Variants in SULT1B1 observed in about 807,000 individuals in gnomAD.
SULT1B1 encodes sulfotransferase 1B1.
Under a neutral mutation model 34.6 loss-of-function variants are expected in SULT1B1, and 28 were observed. That is an observed-to-expected ratio of 0.81 (90% CI 0.60 to 1.11). The LOEUF (loss-of-function observed/expected upper bound fraction) is 1.11, where lower values mean the gene tolerates loss of function less well. Among genes scored for constraint, SULT1B1 ranks in the 50% least tolerant of loss-of-function variants. The pLI, the probability that SULT1B1 is intolerant of heterozygous loss-of-function variation, is 0.00. For missense variants in SULT1B1, 374 were observed against 352.2 expected, an observed-to-expected ratio of 1.06 and a Z score of -0.50; for synonymous variants, 147 against 110.2, an observed-to-expected ratio of 1.33 and a Z score of -2.09.
chr4:69,727,267 A>G, intron 7 of SULT1B1, 67 bp from the exon 8 acceptor site: 1 of 1,238,066 alleles, frequency 8.1e-7, no homozygotes, highest in South Asian at 1.7e-5. Context: ...AGTATATACC[A>G]AAGGAAAAGA....
intron 4 of SULT1B1, among the ~76,000 whole-genome samples, chr4:69,742,895 C>A (rs925105831): frequency 9.9e-5 from 15 of 152,232 alleles, no homozygotes; most frequent in African/African-American, 3.6e-4. Context: ...GGCCTCAGCT[C>A]TCTGCAAGGC....
chr4:69,752,751 C>T (rs181062563), intron 3 of SULT1B1, among the ~76,000 whole-genome samples: 1 of 152,324 alleles, frequency 6.6e-6, no homozygotes, highest in East Asian at 1.9e-4. Context: ...TGAGGGGCAC[C>T]TCCATTATAG....
intron 5 of SULT1B1, 33 bp downstream of exon 5, chr4:69,734,105 A>T: frequency 1.3e-6 from 2 of 1,498,402 alleles, no homozygotes; most frequent in South Asian, 1.4e-5. Flanking sequence ...AAAATAAAAA[A>T]TACTTATCAA....
rs1187617370 is a variant in SULT1B1 at position 69,723,583 on chromosome 4, T to G, written c.*3505A>C. 1 of 152,132 alleles carries G rather than the reference T, an allele frequency of 6.6e-6. No individual in the cohort carries two copies. Among genetic ancestry groups the G allele is most frequent in the African/African-American group, 2.4e-5 (1 of 41,412 alleles). 9.4% of individuals were successfully genotyped at this position (152,132 alleles called of 1,614,324 possible). ...CAGAGACACAACAAAAAAAGAGAATTTTAGACCAATAACCCTGATGAACAT... is the reference window on the plus strand; with the variant it reads ...CAGAGACACAACAAAAAAAGAGAATGTTAGACCAATAACCCTGATGAACAT... On this transcript the variant is annotated 3_prime_UTR_variant, in exon 8 of 8. Transcript: ENST00000310613.
At chr4:69,727,898 G>T (rs1055712182) in intron 7 of SULT1B1, among the ~76,000 whole-genome samples, 6 of 151,914 alleles carry the variant, frequency 3.9e-5, no homozygotes, top group South Asian at 2.1e-4. Flanking sequence ...AACTTTTAAT[G>T]TACTGCCAAT....
At chr4:69,751,463 T>C (rs1718977735) in intron 3 of SULT1B1, among the ~76,000 whole-genome samples, 1 of 152,210 alleles carries the variant, frequency 6.6e-6, no homozygotes, top group African/African-American at 2.4e-5. Context: ...TGTTTGTTTG[T>C]TTATTTGAGA....
chr4:69,727,631 A>G (rs888599783), intron 7 of SULT1B1, among the ~76,000 whole-genome samples: 23 of 152,066 alleles, frequency 1.5e-4, no homozygotes, highest in Admixed American at 1.2e-3. Flanking sequence ...AGCACAGCAA[A>G]ACTGTGAAAT....
intron 3 of SULT1B1, among the ~76,000 whole-genome samples, chr4:69,753,897 A>G (rs7669491): frequency 0.53 from 80,920 of 151,976 alleles, 21,869 homozygotes; most frequent in South Asian, 0.56. Context: ...CTTTAACTAA[A>G]CCAGCTGTTT....
Position 69,724,131 on chromosome 4 carries a change from G to A in SULT1B1, c.*2957C>T, listed in dbSNP as rs1717735573. 3 of 152,280 alleles carry A rather than the reference G, an allele frequency of 2.0e-5. No individual in the cohort carries two copies. Among genetic ancestry groups the A allele is most frequent in the South Asian group, 2.1e-4 (1 of 4,828 alleles). The allele number at this position is 152,280 out of a possible 1,614,324, so 9.4% of individuals were successfully genotyped here. A position where few individuals can be genotyped will look rare whatever the true frequency, so the allele number is the denominator to read the frequency against. ...GATTGTATATGTAGAAAACCCCATT[G>A]TCTCAGCCCAAAATCTCCTTAAGCT... On this transcript the variant is annotated 3_prime_UTR_variant, in exon 8 of 8. Coordinates refer to ENST00000310613, the MANE Select transcript of SULT1B1 (RefSeq NM_014465.4).
intron 6 of SULT1B1, among the ~76,000 whole-genome samples, chr4:69,732,686 T>C (rs1343400137): frequency 2.6e-5 from 4 of 151,238 alleles, no homozygotes; most frequent in Admixed American, 2.0e-4. Context: ...AGTTCCATAA[T>C]GTGGCATGAA....
intron 4 of SULT1B1, among the ~76,000 whole-genome samples, chr4:69,744,703 G>C (rs544982130): frequency 2.0e-5 from 3 of 151,868 alleles, no homozygotes; most frequent in African/African-American, 7.3e-5. Flanking sequence ...TTTTTGTCTG[G>C]ATTTTCACAT....
chr4:69,750,015 C>T (rs1039471375), intron 3 of SULT1B1, among the ~76,000 whole-genome samples, 197 bp from the exon 4 acceptor site: 3 of 152,156 alleles, frequency 2.0e-5, no homozygotes, highest in Non-Finnish European at 2.9e-5. Context: ...TGAGGTTAGC[C>T]ACCCTGAGTT....
chr4:69,729,570 T>G (rs929822277), intron 7 of SULT1B1, among the ~76,000 whole-genome samples: 1 of 152,128 alleles, frequency 6.6e-6, no homozygotes, highest in South Asian at 2.1e-4. Flanking sequence ...TTAAATATAT[T>G]GTTTTTAGAA....
Position 69,722,653 on chromosome 4 carries a change from A to G in SULT1B1, c.*4435T>C, listed in dbSNP as rs1194999413. 1 of 152,146 alleles carries G rather than the reference A, an allele frequency of 6.6e-6. No homozygotes were observed. Among genetic ancestry groups the G allele is most frequent in the Admixed American group, 6.6e-5 (1 of 15,244 alleles). The allele number at this position is 152,146 out of a possible 1,614,324, so 9.4% of individuals were successfully genotyped here. A position where few individuals can be genotyped will look rare whatever the true frequency, so the allele number is the denominator to read the frequency against. On this transcript the variant is annotated 3_prime_UTR_variant, in exon 8 of 8. Coordinates refer to ENST00000310613, the MANE Select transcript of SULT1B1 (RefSeq NM_014465.4). The stretch of plus-strand genomic sequence containing the variant: ...GTATCTCCAGAATAATAGGTGTACT[A>G]CTTCTATGAGGTTTGTTGTTACCAC...
At position 69,726,391 on chromosome 4, in the gene SULT1B1, A is replaced by G. The variant is rs985328318; in HGVS notation, c.*697T>C. 2 of 151,940 alleles carry G rather than the reference A, an allele frequency of 1.3e-5. No homozygotes were observed. The highest frequency in any genetic ancestry group is 2.4e-5 in the African/African-American group (1 of 41,386). The allele number at this position is 151,940 out of a possible 1,614,324, so 9.4% of individuals were successfully genotyped here. A position where few individuals can be genotyped will look rare whatever the true frequency, so the allele number is the denominator to read the frequency against. On this transcript the variant is annotated 3_prime_UTR_variant, in exon 8 of 8. Transcript: ENST00000310613. The stretch of plus-strand genomic sequence containing the variant: ...TCTGTTGGGAAAAAGAGGACTCCCC[A>G]TAAGAAGTAGGTCACAGCCCTCAGG...
intron 4 of SULT1B1, among the ~76,000 whole-genome samples, chr4:69,743,794 G>A (rs541272636): frequency 1.3e-5 from 2 of 152,348 alleles, no homozygotes; most frequent in Non-Finnish European, 1.5e-5. Context: ...ACCATGATCC[G>A]AGATTGGAGT....
At chr4:69,745,899 C>A (rs1434223378) in intron 4 of SULT1B1, among the ~76,000 whole-genome samples, 11 of 152,202 alleles carry the variant, frequency 7.2e-5, no homozygotes, top group Non-Finnish European at 1.6e-4. Flanking sequence ...GAAGGCAAGT[C>A]TGATGAGAAT....
chr4:69,740,755 T>C (rs1045074624), intron 4 of SULT1B1, among the ~76,000 whole-genome samples: 2 of 152,226 alleles, frequency 1.3e-5, no homozygotes, highest in African/African-American at 4.8e-5. Context: ...GCTGTTCATG[T>C]CTTTTGCCAG....
intron 1 of SULT1B1, among the ~76,000 whole-genome samples, chr4:69,755,630 T>C (rs1376680971): frequency 6.6e-6 from 1 of 152,202 alleles, no homozygotes; most frequent in East Asian, 1.9e-4. Context: ...TTACAGAAAA[T>C]TTGCTGTCAT....
Sources: allele counts gnomAD v4.1 joint callset (sites outside exome capture counted in the v4.1 genomes callset), GRCh38; gene constraint gnomAD v4.1.1; transcripts MANE v1.5; gene names NCBI Gene and HGNC (gene_info 2026-07-23, HGNC 2026-07-21).